The following MACROD1 variants were observed in gnomAD, a reference collection of about 807,000 sequenced individuals.
MACROD1 encodes the protein mono-ADP ribosylhydrolase 1.
Under a neutral mutation model 41.4 loss-of-function variants are expected in MACROD1, and 31 were observed. The observed-to-expected ratio is 0.75, with a 90% CI of 0.56 to 1.01. The LOEUF is 1.01. Among genes scored for constraint, MACROD1 ranks in the 50% least tolerant of loss-of-function variants. MACROD1 has a pLI of 0.00. For missense variants in MACROD1, 473 were observed against 460.0 expected, an observed-to-expected ratio of 1.03 and a Z score of -0.26; for synonymous variants, 252 against 203.4, an observed-to-expected ratio of 1.24 and a Z score of -2.03.
intron 3 of MACROD1, among the ~76,000 whole-genome samples, chr11:64,132,752 T>A (rs1300535243): frequency 6.6e-6 from 1 of 152,056 alleles, no homozygotes; most frequent in Non-Finnish European, 1.5e-5. Flanking sequence ...TTAGGGGGGA[T>A]TTCCTGAAGG....
chr11:64,144,328 T>A (rs184621676), intron 3 of MACROD1, among the ~76,000 whole-genome samples: 3 of 152,136 alleles, frequency 2.0e-5, no homozygotes, highest in Non-Finnish European at 4.4e-5. Context: ...TCCATTCACA[T>A]GTGTTACCCC....
At chr11:64,147,767 G>C (rs1220062916) in intron 3 of MACROD1, among the ~76,000 whole-genome samples, 3 of 149,868 alleles carry the variant, frequency 2.0e-5, no homozygotes, top group Admixed American at 6.7e-5. Flanking sequence ...ATTTTAGATA[G>C]GGTCTCACTC....
intron 3 of MACROD1, among the ~76,000 whole-genome samples, chr11:64,076,428 A>G (rs1944201715): frequency 6.6e-6 from 1 of 152,128 alleles, no homozygotes; most frequent in South Asian, 2.1e-4. Flanking sequence ...CAGGTGGTCA[A>G]CTGTACTGGA....
At chr11:64,086,715 G>A (rs531096173) in intron 3 of MACROD1, among the ~76,000 whole-genome samples, 9 of 152,308 alleles carry the variant, frequency 5.9e-5, no homozygotes, top group Admixed American at 2.6e-4. Flanking sequence ...AGGGCATGAA[G>A]AAGGAAGGTT....
At position 64,094,305 on chromosome 11, in the gene MACROD1, G is replaced by A. The variant is rs138245428; in HGVS notation, c.517+56934C>T. Among the ~76,000 whole-genome samples the A allele has an allele frequency of 8.5e-3, 1,296 of 152,150 alleles. 21 individuals carry two copies. The highest frequency in any genetic ancestry group is 0.03 in the African/African-American group (1,238 of 41,500). On this transcript the variant is annotated intron_variant, in intron 3 of 10. Transcript: ENST00000255681. ...AAGTTAGCCGGGCATGGTGACAGGC[G>A]CCTGAAATCCCAGCTACTCAGGAGG...
chr11:64,056,438 A>T (rs1278577992), intron 3 of MACROD1, among the ~76,000 whole-genome samples: 1 of 151,916 alleles, frequency 6.6e-6, no homozygotes, highest in African/African-American at 2.4e-5. Flanking sequence ...TGAGGGGAGG[A>T]GGGTGGGGAG....
chr11:64,101,525 C>T (rs1944670427), intron 3 of MACROD1, among the ~76,000 whole-genome samples: 1 of 152,178 alleles, frequency 6.6e-6, no homozygotes, highest in Non-Finnish European at 1.5e-5. Flanking sequence ...GGCCCGCTGC[C>T]CCTGCCCCAC....
chr11:64,001,426 A>G (rs1185024496), intron 4 of MACROD1: 1 of 702,398 alleles, frequency 1.4e-6, no homozygotes, highest in South Asian at 1.5e-5. Flanking sequence ...GGCGGGCATC[A>G]AGAGAGGACC....
intron 3 of MACROD1, among the ~76,000 whole-genome samples, chr11:64,035,634 C>T (rs1286305757): frequency 2.0e-5 from 3 of 150,020 alleles, no homozygotes; most frequent in African/African-American, 2.4e-5. Flanking sequence ...CGCTTCTCCC[C>T]GGCTGGGCCA....
chr11:64,020,355 A>G (rs998648681), intron 3 of MACROD1, among the ~76,000 whole-genome samples: 1 of 152,128 alleles, frequency 6.6e-6, no homozygotes, highest in African/African-American at 2.4e-5. Flanking sequence ...TTTGGAGAGG[A>G]GGTAAAATCT....
intron 3 of MACROD1, among the ~76,000 whole-genome samples, chr11:64,150,945 C>T (rs1313491122): frequency 6.6e-6 from 1 of 152,248 alleles, no homozygotes; most frequent in East Asian, 1.9e-4. Flanking sequence ...GACCTCCCCG[C>T]TGTGGCCTCT....
At chr11:64,009,739 G>A (rs1325851171) in intron 4 of MACROD1, among the ~76,000 whole-genome samples, 11 of 152,190 alleles carry the variant, frequency 7.2e-5, no homozygotes, top group Non-Finnish European at 2.9e-5. Flanking sequence ...AGCAGCCCCT[G>A]GGGGCTCTCA....
At chr11:64,000,696 G>A (rs866075872) in intron 4 of MACROD1, among the ~76,000 whole-genome samples, 69 of 55,826 alleles carry the variant, frequency 1.2e-3, no homozygotes, top group African/African-American at 5.7e-3. Context: ...CCGAGCCGGG[G>A]TGACGGGGAA....
chr11:64,058,219 TGGGCATCTGAGCA>T (rs1450521256), intron 3 of MACROD1, among the ~76,000 whole-genome samples: 3 of 152,208 alleles, frequency 2.0e-5, no homozygotes, highest in Non-Finnish European at 2.9e-5. Flanking sequence ...GGTAGAGAGG[TGGGCATCTGAGCA>T]GGGTAACCTG....
intron 3 of MACROD1, chr11:64,117,464 C>T (rs1201447568): frequency 6.8e-6 from 11 of 1,612,878 alleles, no homozygotes; most frequent in South Asian, 3.3e-5. Context: ...CCAGCAACCA[C>T]GCCTCTGCCA....
chr11:64,110,843 AG>A (rs1395972755), intron 3 of MACROD1, among the ~76,000 whole-genome samples: 8 of 152,218 alleles, frequency 5.3e-5, no homozygotes, highest in African/African-American at 1.7e-4. Flanking sequence ...AAAGGCAAGC[AG>A]GCACCCAGGC....
intron 3 of MACROD1, among the ~76,000 whole-genome samples, chr11:64,031,232 G>C (rs1365866974): frequency 6.6e-6 from 1 of 152,100 alleles, no homozygotes; most frequent in East Asian, 1.9e-4. Flanking sequence ...ACCTGGCTTT[G>C]TCCCTTCTGT....
At position 64,001,872 on chromosome 11, in the gene MACROD1, C is replaced by T. The variant is rs142078198; in HGVS notation, c.548-1529G>A. 180 of 663,160 alleles carry T rather than the reference C, an allele frequency of 2.7e-4. No individual in the cohort carries two copies. The African/African-American group carries it at 2.8e-3, about 10-fold the overall frequency. 41.1% of individuals were successfully genotyped at this position (663,160 alleles called of 1,614,324 possible). On this transcript the variant is annotated intron_variant, in intron 4 of 10. Transcript: ENST00000255681. Reference sequence around the variant, plus strand: ...GGAGCTGGGCAACGTGAGTTCACATCCTGGCTCTGCCAGCCACAGATGTGT... The same window carrying T: ...GGAGCTGGGCAACGTGAGTTCACATTCTGGCTCTGCCAGCCACAGATGTGT...
chr11:64,086,247 C>A (rs1180512575), intron 3 of MACROD1, among the ~76,000 whole-genome samples: 1 of 152,134 alleles, frequency 6.6e-6, no homozygotes, highest in Admixed American at 6.5e-5. Flanking sequence ...GTCTTGCATT[C>A]GGGGCCAGAG....
Sources: allele counts gnomAD v4.1 joint callset (sites outside exome capture counted in the v4.1 genomes callset), GRCh38; gene constraint gnomAD v4.1.1; transcripts MANE v1.5; gene names NCBI Gene and HGNC (gene_info 2026-07-23, HGNC 2026-07-21).